The following SCRG1 variants were observed in gnomAD, a reference collection of about 807,000 sequenced individuals.
SCRG1 encodes stimulator of chondrogenesis 1.
SCRG1 carries 3 observed loss-of-function variants against 7.7 expected under a neutral mutation model. The ratio of observed to expected loss-of-function variants is 0.39; its 90% CI spans 0.18 to 1.01. The LOEUF is 1.01. Ranked by LOEUF, SCRG1 falls within the 50% of genes least tolerant of loss-of-function variation. The probability of loss-of-function intolerance (pLI) is 0.36; values close to 1 mark genes in which losing one functional copy is unlikely to be tolerated. For synonymous variants in SCRG1, 46 were observed against 41.2 expected (o/e 1.12, Z -0.44); for missense variants, 110 against 117.2 (o/e 0.94, Z 0.28).
the SCRG1 span, among the ~76,000 whole-genome samples, chr4:173,513,784 A>G: frequency 6.6e-6 from 1 of 152,200 alleles, no homozygotes; most frequent in African/African-American, 2.4e-5. Flanking sequence ...TTCTAAAACC[A>G]TAGAGATGAT....
At chr4:173,396,168 T>C (rs566254016) in intron 1 of SCRG1, among the ~76,000 whole-genome samples, 2 of 152,272 alleles carry the variant, frequency 1.3e-5, no homozygotes, top group South Asian at 2.1e-4. Context: ...TGAGGAAGAA[T>C]TGGAAGGAGC....
the SCRG1 span, among the ~76,000 whole-genome samples, chr4:173,457,490 T>C: frequency 6.6e-6 from 1 of 152,212 alleles, no homozygotes; most frequent in Non-Finnish European, 1.5e-5. Context: ...GTAACCATCT[T>C]TATCAATTAA....
the SCRG1 span, among the ~76,000 whole-genome samples, chr4:173,482,597 C>G: frequency 6.6e-6 from 1 of 151,946 alleles, no homozygotes; most frequent in Non-Finnish European, 1.5e-5. Flanking sequence ...GCTGGAGGAC[C>G]ACTTGAGGTG....
At chr4:173,409,916 A>G (rs1218864623), upstream of SCRG1, among the ~76,000 whole-genome samples, 5 of 152,076 alleles carry the variant, frequency 3.3e-5, no homozygotes, top group African/African-American at 7.2e-5. Flanking sequence ...GTATGCCAAT[A>G]TTAGGTGAGT....
chr4:173,501,721 C>G, the SCRG1 span, among the ~76,000 whole-genome samples: 2 of 152,126 alleles, frequency 1.3e-5, no homozygotes, highest in African/African-American at 4.8e-5. This position sits in a 1 kb window ranked among gnomAD's most constrained non-coding sequence, Gnocchi z 5.1. Context: ...GATGCAGAGG[C>G]ATGGGTTATC....
At chr4:173,389,422 GCTAC>G (rs1739353511) in intron 2 of SCRG1, among the ~76,000 whole-genome samples, 1 of 152,158 alleles carries the variant, frequency 6.6e-6, no homozygotes, top group African/African-American at 2.4e-5. Context: ...TGTAGTCCCA[GCTAC>G]TCGAGAGGCT....
the SCRG1 span, among the ~76,000 whole-genome samples, chr4:173,466,204 C>G: frequency 9.2e-5 from 14 of 152,272 alleles, no homozygotes; most frequent in African/African-American, 2.9e-4. Context: ...ATAAATTTGT[C>G]CTAAGCAATG....
the SCRG1 span, among the ~76,000 whole-genome samples, chr4:173,487,855 C>A: frequency 6.6e-6 from 1 of 151,950 alleles, no homozygotes; most frequent in Non-Finnish European, 1.5e-5. Context: ...GTAATCCCAG[C>A]ACTTTGGGAG....
In SCRG1 at chr4:173,384,961, T is replaced by C. The variant is rs1314557424; in HGVS notation, c.*3380A>G. The C allele has an allele frequency of 6.6e-6, 1 of 152,192 alleles. No homozygotes were observed. 9.4% of individuals were successfully genotyped at this position (152,192 alleles called of 1,614,324 possible). On this transcript the variant is annotated 3_prime_UTR_variant, in exon 3 of 3. Transcript: ENST00000296506. ...CATTAGGTAATGCTGTTAAACAACA[T>C]AGTGGTTAAGACTCTAGATGCTAGT...
upstream of SCRG1, chr4:173,399,461 GAA>G (rs1560833448): frequency 3.5e-4 from 12 of 34,326 alleles, no homozygotes; most frequent in African/African-American, 1.3e-3. Flanking sequence ...TTTCCCTTAA[GAA>G]AAGTGTGTGT....
At chr4:173,440,898 G>A in the SCRG1 span, among the ~76,000 whole-genome samples, 1 of 152,116 alleles carries the variant, frequency 6.6e-6, no homozygotes, top group African/African-American at 2.4e-5. Context: ...TTCTGTGTGT[G>A]TCCAAATTTC....
chr4:173,502,356 T>A, the SCRG1 span, among the ~76,000 whole-genome samples: 1 of 152,096 alleles, frequency 6.6e-6, no homozygotes, highest in Non-Finnish European at 1.5e-5. This position sits in a 1 kb window ranked among gnomAD's most constrained non-coding sequence, Gnocchi z 4.6. Flanking sequence ...GAAATCTGAA[T>A]AACCCCGAAG....
At chr4:173,509,045 T>A in the SCRG1 span, among the ~76,000 whole-genome samples, 2 of 152,142 alleles carry the variant, frequency 1.3e-5, no homozygotes, top group East Asian at 3.9e-4. The surrounding 1 kb of genome is among the most constrained non-coding windows in gnomAD (Gnocchi z 5.7). Context: ...TAGCAGAAGG[T>A]GCAGATGGTG....
chr4:173,519,023 G>T, the SCRG1 span, among the ~76,000 whole-genome samples: 3 of 151,736 alleles, frequency 2.0e-5, no homozygotes, highest in Non-Finnish European at 2.9e-5. Flanking sequence ...TCGGCGTGGC[G>T]CTGTGAGCTA....
chr4:173,459,905 CAA>C, the SCRG1 span, among the ~76,000 whole-genome samples: 4 of 151,582 alleles, frequency 2.6e-5, no homozygotes, highest in East Asian at 1.9e-4. Flanking sequence ...GTTTCCAACA[CAA>C]AAAAAAAATA....
At chr4:173,451,774 C>T in the SCRG1 span, among the ~76,000 whole-genome samples, 147,304 of 151,942 alleles carry the variant, frequency 0.97, 71,548 homozygotes, top group East Asian at 1. Context: ...GTTCAAGAGA[C>T]TCTTGTGCTT....
At chr4:173,444,131 G>A in the SCRG1 span, among the ~76,000 whole-genome samples, 1 of 151,944 alleles carries the variant, frequency 6.6e-6, no homozygotes, top group Non-Finnish European at 1.5e-5. Context: ...CCGCCACCAC[G>A]CCTGGCTAAT....
rs749325462 is a variant in SCRG1, at chr4:173,387,705, CTTTTTTTTTTTTTTT to C, written c.*621_*635del. ...TACCCTCAAATATTGTTCCCTTTTC[CTTTTTTTTTTTTTTT>C]TTTTTTTTTCGAGACAGGGTCTTGC... On this transcript the variant is annotated 3_prime_UTR_variant, in exon 3 of 3. Transcript: ENST00000296506. 2 of 66,962 alleles carry C rather than the reference CTTTTTTTTTTTTTTT, an allele frequency of 3.0e-5. 1 individual carries two copies. The highest frequency in any genetic ancestry group is 1.1e-3 in the East Asian group (2 of 1,786). 4.1% of individuals were successfully genotyped at this position (66,962 alleles called of 1,614,324 possible).
the SCRG1 span, among the ~76,000 whole-genome samples, chr4:173,479,801 T>G: frequency 6.6e-6 from 1 of 151,856 alleles, no homozygotes; most frequent in South Asian, 2.1e-4. Context: ...GGCACCAAAT[T>G]ATCACCCCAG....
Sources: gnomAD v4.1 joint callset for allele counts (sites outside exome capture counted in the v4.1 genomes callset) on GRCh38, gnomAD v4.1.1 for gene constraint, Gnocchi (gnomAD v3.1) non-coding constraint, MANE v1.5 for transcripts, NCBI Gene and HGNC (gene_info 2026-07-23, HGNC 2026-07-21) for gene names.